The following GABRB1 variants were observed in gnomAD, a reference collection of about 807,000 sequenced individuals.
GABRB1 encodes the protein gamma-aminobutyric acid type A receptor subunit beta1.
In GABRB1, 17 loss-of-function variants were observed where a neutral mutation model predicts 51.6. The ratio of observed to expected loss-of-function variants is 0.33; its 90% CI spans 0.23 to 0.49. The LOEUF (loss-of-function observed/expected upper bound fraction) is 0.49. Among genes scored for constraint, GABRB1 ranks in the 20% least tolerant of loss-of-function variants. The pLI is 0.99. For missense variants in GABRB1, 410 were observed against 600.6 expected, an observed-to-expected ratio of 0.68 and a Z score of 3.32; for synonymous variants, 247 against 218.9, an observed-to-expected ratio of 1.13 and a Z score of -1.14.
At position 47,125,559 on chromosome 4, in the gene GABRB1, C is replaced by CTTTTTTTTTTTTTTTTTTTTTTTTTTTTT. The variant is rs71195605; in HGVS notation, c.241-35676_241-35675insTTTTTTTTTTTTTTTTTTTTTTTTTTTTT. On this transcript the variant is annotated intron_variant, in intron 3 of 8. Transcript: ENST00000295454. ...CTCTAGACACAACAAAGTATAATTT[C>CTTTTTTTTTTTTTTTTTTTTTTTTTTTTT]TTTTTTTTTTTTTTGAGACGGAGTC... Among the ~76,000 whole-genome samples, 201 of 80,708 alleles carry CTTTTTTTTTTTTTTTTTTTTTTTTTTTTT rather than the reference C, an allele frequency of 2.5e-3. 59 individuals are homozygous for CTTTTTTTTTTTTTTTTTTTTTTTTTTTTT. The highest frequency in any genetic ancestry group is 0.024 in the Middle Eastern group (2 of 84). 52.9% of individuals were successfully genotyped at this position (80,708 alleles called of 152,430 possible). A position where few individuals can be genotyped will look rare whatever the true frequency, so the allele number is the denominator to read the frequency against.
chr4:47,297,625 C>A (rs183880969), intron 4 of GABRB1, among the ~76,000 whole-genome samples: 82 of 152,132 alleles, frequency 5.4e-4, no homozygotes, highest in African/African-American at 1.7e-3. Flanking sequence ...AATAGCTTAC[C>A]AACCAAAAAG....
chr4:47,153,795 G>T (rs1717566338), intron 3 of GABRB1, among the ~76,000 whole-genome samples: 1 of 151,992 alleles, frequency 6.6e-6, no homozygotes, highest in Non-Finnish European at 1.5e-5. Flanking sequence ...CAAAAAGTCT[G>T]ACTACACAGT....
intron 4 of GABRB1, among the ~76,000 whole-genome samples, chr4:47,234,559 G>A (rs79384191): frequency 0.014 from 2,086 of 151,044 alleles, 52 homozygotes; most frequent in African/African-American, 0.047. Context: ...CTTTACCATC[G>A]CTTCATTTTT....
At chr4:47,320,770 CTTT>C (rs11313211) in intron 5 of GABRB1, among the ~76,000 whole-genome samples, 5 of 105,034 alleles carry the variant, frequency 4.8e-5, no homozygotes, top group Admixed American at 1.0e-4. Context: ...TTTCTTTTTT[CTTT>C]TTTTTTTTTT....
chr4:47,079,450 G>C (rs1252002303), intron 3 of GABRB1, among the ~76,000 whole-genome samples: 1 of 151,984 alleles, frequency 6.6e-6, no homozygotes, highest in Non-Finnish European at 1.5e-5. Context: ...TGTGGGATTG[G>C]TGGTGATATC....
chr4:47,409,021 G>A (rs544530265), intron 8 of GABRB1, among the ~76,000 whole-genome samples: 27 of 152,288 alleles, frequency 1.8e-4, no homozygotes, highest in Admixed American at 1.2e-3. Context: ...TAATTAAATT[G>A]AAACAGGAGA....
At chr4:47,330,995 T>C (rs921231456) in intron 5 of GABRB1, among the ~76,000 whole-genome samples, 7 of 152,288 alleles carry the variant, frequency 4.6e-5, no homozygotes, top group African/African-American at 1.7e-4. Context: ...TTTCTATTCA[T>C]GGATGCAAAA....
intron 3 of GABRB1, among the ~76,000 whole-genome samples, chr4:47,159,124 GA>G (rs11390050): frequency 6.8e-6 from 1 of 148,030 alleles, no homozygotes. Flanking sequence ...AAAAGAAAAA[GA>G]AAAAAAAAAT....
At chr4:47,211,105 C>G (rs1429227242) in intron 4 of GABRB1, among the ~76,000 whole-genome samples, 1 of 152,152 alleles carries the variant, frequency 6.6e-6, no homozygotes, top group Non-Finnish European at 1.5e-5. Flanking sequence ...GGCACTACTT[C>G]TTTCCCACGT....
chr4:47,350,218 T>TATAGAGAGAGAGAGAG lies in GABRB1; in HGVS notation c.544+30010_544+30011insTAGAGAGAGAGAGAGA, dbSNP rs750199965. 1.4e-3 allele frequency among the ~76,000 whole-genome samples: 77 copies of TATAGAGAGAGAGAGAG among 56,634 alleles called. 1 individual carries two copies. Among genetic ancestry groups the TATAGAGAGAGAGAGAG allele is most frequent in the African/African-American group, 6.0e-3 (75 of 12,420 alleles). 37.2% of individuals were successfully genotyped at this position (56,634 alleles called of 152,430 possible). ...ATATATATATATATATATATATATA[T>TATAGAGAGAGAGAGAG]AGAGAGAGAGAGAGAGAGAGAGAGA... On this transcript the variant is annotated intron_variant, in intron 5 of 8. Transcript: ENST00000295454.
At chr4:47,032,645 T>A (rs1214678640) in intron 3 of GABRB1, 161 bp downstream of exon 3, 5 of 742,096 alleles carry the variant, frequency 6.7e-6, no homozygotes, top group African/African-American at 3.5e-5. Flanking sequence ...CGGTCGCCCC[T>A]GGTTTGTAAT....
chr4:47,119,058 C>T (rs1416115616), intron 3 of GABRB1, among the ~76,000 whole-genome samples: 1 of 152,046 alleles, frequency 6.6e-6, no homozygotes, highest in Non-Finnish European at 1.5e-5. Flanking sequence ...TTATTTAAAA[C>T]ACTGTGATAT....
intron 5 of GABRB1, among the ~76,000 whole-genome samples, chr4:47,361,048 A>C (rs1382560241): frequency 6.6e-6 from 1 of 152,160 alleles, no homozygotes; most frequent in African/African-American, 2.4e-5. Context: ...TCAAACTGCT[A>C]CTGGATACTG....
chr4:47,237,480 G>A (rs1560291265), intron 4 of GABRB1, among the ~76,000 whole-genome samples: 1 of 152,000 alleles, frequency 6.6e-6, no homozygotes, highest in Non-Finnish European at 1.5e-5. Flanking sequence ...TTTGAAAACA[G>A]AGAAAAGGAA....
intron 8 of GABRB1, among the ~76,000 whole-genome samples, chr4:47,408,577 A>G (rs572769250): frequency 6.6e-6 from 1 of 152,322 alleles, no homozygotes; most frequent in South Asian, 2.1e-4. Flanking sequence ...TGGGGAGAGA[A>G]GTAGACAAGA....
intron 8 of GABRB1, among the ~76,000 whole-genome samples, chr4:47,408,845 A>G (rs931680727): frequency 6.6e-6 from 1 of 152,174 alleles, no homozygotes; most frequent in African/African-American, 2.4e-5. Context: ...TTAATTGATA[A>G]GTCACGAGGG....
At chr4:47,246,975 T>C (rs973518121) in intron 4 of GABRB1, among the ~76,000 whole-genome samples, 2 of 152,120 alleles carry the variant, frequency 1.3e-5, no homozygotes, top group Admixed American at 6.6e-5. Context: ...CTGTAGGCTG[T>C]CTGTTTACTC....
At chr4:47,254,361 G>GTTTTTTTTTTTTTTTTTTTTTTTTTTTT (rs56838956) in intron 4 of GABRB1, among the ~76,000 whole-genome samples, 3 of 80,964 alleles carry the variant, frequency 3.7e-5, no homozygotes, top group African/African-American at 1.6e-4. Context: ...TCTTTTCTTT[G>GTTTTTTTTTTTTTTTTTTTTTTTTTTTT]TTTTTTTTTT....
intron 5 of GABRB1, among the ~76,000 whole-genome samples, chr4:47,363,934 A>G (rs1436692244): frequency 6.6e-6 from 1 of 152,206 alleles, no homozygotes; most frequent in African/African-American, 2.4e-5. Context: ...GCTTCCCAGA[A>G]CACTTAATCA....
Sources: allele counts gnomAD v4.1 joint callset (sites outside exome capture counted in the v4.1 genomes callset), GRCh38; gene constraint gnomAD v4.1.1; transcripts MANE v1.5; gene names NCBI Gene and HGNC (gene_info 2026-07-23, HGNC 2026-07-21).